Variants in FAM171A1 observed in about 807,000 individuals in gnomAD.
FAM171A1 encodes the protein family with sequence similarity 171 member A1.
FAM171A1 carries 23 observed loss-of-function variants against 74.9 expected under a neutral mutation model. The observed-to-expected ratio is 0.31, with a 90% CI of 0.22 to 0.44. The LOEUF is 0.44. FAM171A1 is among the 20% of genes least tolerant of loss of function. The pLI is 1.00. For missense variants in FAM171A1, 1,162 were observed against 1,159.2 expected (o/e 1.00, Z -0.03); for synonymous variants, 527 against 505.7 (o/e 1.04, Z -0.57).
At chr10:15,278,459 A>T (rs531009328) in intron 2 of FAM171A1, among the ~76,000 whole-genome samples, 1 of 152,216 alleles carries the variant, frequency 6.6e-6, no homozygotes, top group Non-Finnish European at 1.5e-5. Context: ...CGATGTTTGC[A>T]GCAGCATTAT....
At chr10:15,356,600 A>T (rs1284384794) in intron 1 of FAM171A1, among the ~76,000 whole-genome samples, 5 of 152,212 alleles carry the variant, frequency 3.3e-5, no homozygotes, top group Non-Finnish European at 7.3e-5. Context: ...ATTAATACAG[A>T]AGAACGTTAT....
intron 1 of FAM171A1, among the ~76,000 whole-genome samples, chr10:15,365,269 G>A (rs1165958812): frequency 6.6e-6 from 1 of 152,208 alleles, no homozygotes; most frequent in Non-Finnish European, 1.5e-5. Flanking sequence ...CTGGTTAACA[G>A]AGAAGCAGGA....
intron 3 of FAM171A1, among the ~76,000 whole-genome samples, chr10:15,257,602 G>A (rs1022063224): frequency 2.6e-4 from 39 of 152,222 alleles, no homozygotes; most frequent in African/African-American, 7.9e-4. Context: ...GGGGGCTGGG[G>A]GTATGTAGCA....
chr10:15,370,733 C>T (rs1329336230), intron 1 of FAM171A1, among the ~76,000 whole-genome samples: 1 of 140,938 alleles, frequency 7.1e-6, no homozygotes, highest in Admixed American at 7.0e-5. Context: ...AGCCCCCGAT[C>T]CCCGGCCCCC....
chr10:15,369,292 T>C (rs1227258345), intron 1 of FAM171A1, among the ~76,000 whole-genome samples: 1 of 151,098 alleles, frequency 6.6e-6, no homozygotes, highest in Non-Finnish European at 1.5e-5. Context: ...TTTCCATATA[T>C]TGGTATTTCA....
chr10:15,356,223 T>C (rs1835930459), intron 1 of FAM171A1, among the ~76,000 whole-genome samples: 1 of 149,910 alleles, frequency 6.7e-6, no homozygotes, highest in African/African-American at 2.5e-5. Flanking sequence ...TACATACATA[T>C]ATATATATAA....
At chr10:15,373,032 C>T (rs535129643), upstream of FAM171A1, among the ~76,000 whole-genome samples, 1 of 152,310 alleles carries the variant, frequency 6.6e-6, no homozygotes, top group South Asian at 2.1e-4. Flanking sequence ...ATTAATTGAG[C>T]ATTTAGACAT....
At chr10:15,372,935 A>C (rs143447972), upstream of FAM171A1, among the ~76,000 whole-genome samples, 694 of 151,740 alleles carry the variant, frequency 4.6e-3, 4 homozygotes, top group African/African-American at 0.016. Context: ...TCCACTGGGG[A>C]CCTAGGAAAA....
At chr10:15,263,733 ATCTG>A (rs1256043761) in intron 3 of FAM171A1, among the ~76,000 whole-genome samples, 416 of 131,830 alleles carry the variant, frequency 3.2e-3, no homozygotes, top group South Asian at 3.7e-3. Flanking sequence ...CTATCTATCT[ATCTG>A]TCTGTCTATC....
In FAM171A1 at chr10:15,254,861, C is replaced by T. The variant is rs748897025; in HGVS notation, c.437G>A (p.Arg146His). The T allele has an allele frequency of 2.7e-5, 44 of 1,613,706 alleles. 1 individual carries two copies. The Middle Eastern group carries it at 8.2e-4, about 30-fold the overall frequency. Residue 146 changes from arginine (R) to histidine (H), a missense_variant, in exon 4 of 8, where the codon CGC becomes CAC. Arg to His is a conservative substitution (Grantham distance 29). Transcript: ENST00000378116. ...CAGAGCCCTTCTCTGGAAATGAACG[C>T]GAGGCTGTGGCCGGGCACCTGCAGA... ...SGFQGARPQP[R>H]VHFQRRALRL... is the part of the protein sequence containing the mutation.
chr10:15,350,987 A>C (rs1835870276), intron 1 of FAM171A1, among the ~76,000 whole-genome samples: 1 of 152,080 alleles, frequency 6.6e-6, no homozygotes, highest in African/African-American at 2.4e-5. Context: ...ACTCCAGCTC[A>C]AAAGTCACTG....
Position 15,213,380 on chromosome 10 carries a change from A to G in FAM171A1, c.2208T>C (p.Asn736=). 6.2e-7 allele frequency: 1 copy of G among 1,614,120 alleles called. No individual in the cohort carries two copies. Among genetic ancestry groups the G allele is most frequent in the Non-Finnish European group, 8.5e-7 (1 of 1,180,022 alleles). The stretch of plus-strand genomic sequence containing the variant: ...CTACGCCAGAGTCCAAACTGGCATC[A>G]TTACTTCCGTTCCTTCCAGCTCTTT... ...DLQRAGRNGS[N]DASLDSGVDM... is the part of the protein sequence containing the mutation. The change falls in exon 8 of 8, where the codon AAT becomes AAC. Residue 736 remains asparagine (N), a synonymous_variant. Transcript: ENST00000378116. This position sits in a 1 kb window ranked among gnomAD's most constrained non-coding sequence, Gnocchi z 6.8.
chr10:15,325,677 T>C (rs183502180), intron 1 of FAM171A1, among the ~76,000 whole-genome samples: 25 of 152,280 alleles, frequency 1.6e-4, no homozygotes, highest in East Asian at 1.2e-3. Flanking sequence ...AGCTTTGATA[T>C]TGGCTAAATC....
At chr10:15,229,789 CCA>C (rs1564616865) in intron 5 of FAM171A1, among the ~76,000 whole-genome samples, 23 of 23,358 alleles carry the variant, frequency 9.8e-4, no homozygotes, top group South Asian at 2.0e-3. Context: ...ACCATCACCA[CCA>C]TCACCATCAT....
intron 2 of FAM171A1, among the ~76,000 whole-genome samples, chr10:15,280,249 G>C (rs937141291): frequency 2.0e-5 from 3 of 152,144 alleles, no homozygotes; most frequent in African/African-American, 7.2e-5. Flanking sequence ...TCCGTGTCAC[G>C]TTTACTTCAT....
chr10:15,346,989 C>CA, intron 1 of FAM171A1, among the ~76,000 whole-genome samples: 1 of 152,172 alleles, frequency 6.6e-6, no homozygotes, highest in African/African-American at 2.4e-5. Flanking sequence ...GGACATGGTG[C>CA]AAAAAACACG....
chr10:15,363,780 A>G (rs1836025550), intron 1 of FAM171A1, among the ~76,000 whole-genome samples: 1 of 152,100 alleles, frequency 6.6e-6, no homozygotes, highest in Non-Finnish European at 1.5e-5. Flanking sequence ...ACTGAACTGG[A>G]TTCTTTTGCT....
intron 1 of FAM171A1, among the ~76,000 whole-genome samples, chr10:15,366,078 G>C (rs1836057641): frequency 6.6e-6 from 1 of 152,152 alleles, no homozygotes; most frequent in Admixed American, 6.5e-5. Context: ...TTAAGAAACA[G>C]TTATTTCATA....
At chr10:15,274,642 A>T (rs1834869396) in intron 3 of FAM171A1, among the ~76,000 whole-genome samples, 1 of 152,208 alleles carries the variant, frequency 6.6e-6, no homozygotes, top group Non-Finnish European at 1.5e-5. Flanking sequence ...ACTATACTAC[A>T]AGGTTACAGT....
Sources: allele counts gnomAD v4.1 joint callset (sites outside exome capture counted in the v4.1 genomes callset), GRCh38; gene constraint gnomAD v4.1.1; non-coding constraint Gnocchi (gnomAD v3.1); transcripts MANE v1.5; gene names NCBI Gene and HGNC (gene_info 2026-07-23, HGNC 2026-07-21).